KIRREL3: variants seen among roughly 807,000 people sequenced by gnomAD.
The protein encoded by KIRREL3 is kirre like nephrin family adhesion molecule 3, also known as kin of IRRE-like protein 3.
KIRREL3 carries 36 observed loss-of-function variants against 89.7 expected under a neutral mutation model. The observed-to-expected ratio is 0.40, with a 90% CI of 0.31 to 0.53. KIRREL3 has a LOEUF of 0.53. Among genes scored for constraint, KIRREL3 ranks in the 20% least tolerant of loss-of-function variants. The probability of loss-of-function intolerance (pLI) is 0.49; values close to 1 mark genes in which losing one functional copy is unlikely to be tolerated. For missense variants in KIRREL3, 864 were observed against 1,056.6 expected, an observed-to-expected ratio of 0.82 and a Z score of 2.53; for synonymous variants, 445 against 441.4, an observed-to-expected ratio of 1.01 and a Z score of -0.10.
chr11:126,424,360 T>G lies in KIRREL3; in HGVS notation c.*220A>C. 1 of 566,482 alleles carries G rather than the reference T, an allele frequency of 1.8e-6. No individual in the cohort carries two copies. Among genetic ancestry groups the G allele is most frequent in the Non-Finnish European group, 3.2e-6 (1 of 315,848 alleles). The allele number at this position is 566,482 out of a possible 1,614,324, so 35.1% of individuals were successfully genotyped here. On this transcript the variant is annotated 3_prime_UTR_variant, in exon 17 of 17. Coordinates refer to ENST00000525144, the MANE Select transcript of KIRREL3 (RefSeq NM_032531.4). ...AAGCACAGCGCACTCAGCCGCAGCC[T>G]CTGTCTGTCTCCCCACCCGCCCACC...
At chr11:126,949,820 G>A (rs1001581674) in intron 1 of KIRREL3, among the ~76,000 whole-genome samples, 2 of 152,122 alleles carry the variant, frequency 1.3e-5, no homozygotes, top group African/African-American at 2.4e-5. Context: ...AGATGGTCTG[G>A]GTACCAGTTG....
At position 126,697,432 on chromosome 11, in the gene KIRREL3, T is replaced by C. The variant is rs1441885166; in HGVS notation, c.56-134520A>G. 6.6e-6 allele frequency among the ~76,000 whole-genome samples: 1 copy of C among 152,176 alleles called. No homozygotes were observed. On this transcript the variant is annotated intron_variant, in intron 1 of 16. Coordinates refer to ENST00000525144, the MANE Select transcript of KIRREL3 (RefSeq NM_032531.4). This position sits in a 1 kb window ranked among gnomAD's most constrained non-coding sequence, Gnocchi z 4.2. The stretch of plus-strand genomic sequence containing the variant: ...GTAATAGTTCCCAGTTGCCAAAGCT[T>C]TTCCCACAGACCCTGACTCAGAGGA...
At position 126,850,089 on chromosome 11, in the gene KIRREL3, G is replaced by A. The variant is rs547402898; in HGVS notation, c.55+150366C>T. 4.6e-5 allele frequency among the ~76,000 whole-genome samples: 7 copies of A among 152,270 alleles called. No homozygotes were observed. In the South Asian group the frequency reaches 6.2e-4, roughly 14 times the overall value. On this transcript the variant is annotated intron_variant, in intron 1 of 16. Coordinates refer to ENST00000525144, the MANE Select transcript of KIRREL3 (RefSeq NM_032531.4). ...CATCTTTCTTTAGCCACCAAAGCGG[G>A]GGTCCCTGTAATCTGGCACTGCCTG...
chr11:126,801,222 C>T (rs2134393821), intron 1 of KIRREL3, among the ~76,000 whole-genome samples: 1 of 152,304 alleles, frequency 6.6e-6, no homozygotes, highest in African/African-American at 2.4e-5. Flanking sequence ...AATACACTAG[C>T]TCTCTTTTCT....
At chr11:126,971,841 G>A (rs1949432810) in intron 1 of KIRREL3, among the ~76,000 whole-genome samples, 1 of 152,166 alleles carries the variant, frequency 6.6e-6, no homozygotes, top group African/African-American at 2.4e-5. Flanking sequence ...CCTGTTCTGG[G>A]TGACTTGGGC....
intron 13 of KIRREL3, 98 bp downstream of exon 13, chr11:126,435,170 A>T: frequency 7.8e-7 from 1 of 1,280,204 alleles, no homozygotes; most frequent in African/African-American, 1.5e-5. Flanking sequence ...ACTAGCGGCC[A>T]GCACAGGCCT....
At position 126,963,793 on chromosome 11, in the gene KIRREL3, C is replaced by T. The variant is rs1410500923; in HGVS notation, c.55+36662G>A. On this transcript the variant is annotated intron_variant, in intron 1 of 16. Coordinates refer to ENST00000525144, the MANE Select transcript of KIRREL3 (RefSeq NM_032531.4). ...CCTGAGGACTACAAACAATGAGTTACTTCAACATGTCTGGAGATGATTAAC... is the reference window on the plus strand; with the variant it reads ...CCTGAGGACTACAAACAATGAGTTATTTCAACATGTCTGGAGATGATTAAC... Among the ~76,000 whole-genome samples the T allele has an allele frequency of 4.6e-5, 7 of 152,302 alleles. No homozygotes were observed. The East Asian group carries it at 9.6e-4, about 21-fold the overall frequency.
chr11:126,465,794 G>T (rs971085743), intron 5 of KIRREL3, among the ~76,000 whole-genome samples: 2 of 152,198 alleles, frequency 1.3e-5, no homozygotes, highest in Admixed American at 1.3e-4. Flanking sequence ...CAAAGCCCGG[G>T]CAGGGAGGGA....
rs539558269 is a variant in KIRREL3, at chr11:126,742,713, A to T, written c.56-179801T>A. Among the ~76,000 whole-genome samples the T allele has an allele frequency of 4.6e-5, 7 of 152,336 alleles. No homozygotes were observed. The highest frequency in any genetic ancestry group is 1.4e-4 in the African/African-American group (6 of 41,576). Reference sequence around the variant, plus strand: ...AAATATATATCACCTAGCAGCTAAGAAATCAGCAGACAGTGGACTTTAGAA... The same window carrying T: ...AAATATATATCACCTAGCAGCTAAGTAATCAGCAGACAGTGGACTTTAGAA... On this transcript the variant is annotated intron_variant, in intron 1 of 16. Transcript: ENST00000525144. This position sits in a 1 kb window ranked among gnomAD's most constrained non-coding sequence, Gnocchi z 5.3.
rs1464857987 is a variant in KIRREL3 at position 126,443,855 on chromosome 11, G to A, written c.1252+1124C>T. 2.6e-5 allele frequency among the ~76,000 whole-genome samples: 4 copies of A among 152,118 alleles called. No individual in the cohort carries two copies. Among genetic ancestry groups the A allele is most frequent in the Non-Finnish European group, 5.9e-5 (4 of 68,034 alleles). Reference sequence around the variant, plus strand: ...TCCTGCAGGGTCCCAGAGCTTTGGGGTTTTGATCTGAGTCAGGCTATGGTG... The same window carrying A: ...TCCTGCAGGGTCCCAGAGCTTTGGGATTTTGATCTGAGTCAGGCTATGGTG... On this transcript the variant is annotated intron_variant, in intron 10 of 16. Transcript: ENST00000525144. This position sits in a 1 kb window ranked among gnomAD's most constrained non-coding sequence, Gnocchi z 7.3.
intron 1 of KIRREL3, among the ~76,000 whole-genome samples, chr11:126,885,092 C>G (rs1388898695): frequency 6.6e-6 from 1 of 152,158 alleles, no homozygotes; most frequent in East Asian, 1.9e-4. Context: ...AGGGTTATTT[C>G]AAAGACCTTG....
rs11220591 is a variant in KIRREL3, at chr11:126,723,505, A to T, written c.56-160593T>A. On this transcript the variant is annotated intron_variant, in intron 1 of 16. Coordinates refer to ENST00000525144, the MANE Select transcript of KIRREL3 (RefSeq NM_032531.4). The surrounding 1 kb of genome is among the most constrained non-coding windows in gnomAD (Gnocchi z 4.0). ...TGGCATCATTAAGCAGCTGGTGCCA[A>T]CATTTACCTCACACCTCCCTTAGTA... Among the ~76,000 whole-genome samples, 256 of 152,332 alleles carry T rather than the reference A, an allele frequency of 1.7e-3. 7 individuals are homozygous for T. The East Asian group carries it at 0.045, about 27-fold the overall frequency.
intron 4 of KIRREL3, among the ~76,000 whole-genome samples, chr11:126,517,134 GAAA>G (rs1261736544): frequency 8.0e-6 from 1 of 124,252 alleles, no homozygotes; most frequent in Non-Finnish European, 1.6e-5. Context: ...GAGAGAGAGA[GAAA>G]GAGAGAGAGA....
At chr11:126,663,182 CTTTTT>C (rs61217908) in intron 1 of KIRREL3, among the ~76,000 whole-genome samples, 1 of 90,806 alleles carries the variant, frequency 1.1e-5, no homozygotes, top group Non-Finnish European at 2.1e-5. Flanking sequence ...TCATGTCTGG[CTTTTT>C]TTTTTTTTTT....
At chr11:126,919,996 G>C (rs1262536098) in intron 1 of KIRREL3, among the ~76,000 whole-genome samples, 1 of 152,154 alleles carries the variant, frequency 6.6e-6, no homozygotes, top group Non-Finnish European at 1.5e-5. Context: ...TACCTGATAT[G>C]ATGCTAAATG....
rs537665440 is a variant in KIRREL3, at chr11:126,860,854, C to T, written c.55+139601G>A. On this transcript the variant is annotated intron_variant, in intron 1 of 16. Transcript: ENST00000525144. This position sits in a 1 kb window ranked among gnomAD's most constrained non-coding sequence, Gnocchi z 4.6. ...TGGACACATTGAAAGTTTAGTGATC[C>T]TACACTTGATTCTTCTCGCAGTTTC... Among the ~76,000 whole-genome samples, 313 of 152,166 alleles carry T rather than the reference C, an allele frequency of 2.1e-3. 2 individuals carry two copies. The highest frequency in any genetic ancestry group is 3.4e-3 in the Middle Eastern group (1 of 294).
chr11:126,606,945 G>T lies in KIRREL3; in HGVS notation c.56-44033C>A, dbSNP rs770243902. Among the ~76,000 whole-genome samples, 6 of 152,170 alleles carry T rather than the reference G, an allele frequency of 3.9e-5. No individual in the cohort carries two copies. Among genetic ancestry groups the T allele is most frequent in the Non-Finnish European group, 7.4e-5 (5 of 68,024 alleles). Reference sequence around the variant, plus strand: ...GAAGGGGCGGGGGTGGCCAGGCAGTGCTTTCTAGCTGAAGTAAGCAGCTTT... The same window carrying T: ...GAAGGGGCGGGGGTGGCCAGGCAGTTCTTTCTAGCTGAAGTAAGCAGCTTT... On this transcript the variant is annotated intron_variant, in intron 1 of 16. Coordinates refer to ENST00000525144, the MANE Select transcript of KIRREL3 (RefSeq NM_032531.4). This position sits in a 1 kb window ranked among gnomAD's most constrained non-coding sequence, Gnocchi z 4.6.
At chr11:126,671,204 T>A (rs1307650102) in intron 1 of KIRREL3, among the ~76,000 whole-genome samples, 1 of 151,278 alleles carries the variant, frequency 6.6e-6, no homozygotes, top group Non-Finnish European at 1.5e-5. Context: ...GGAGAAAATC[T>A]ATGGCCTTAG....
At chr11:126,509,593 A>G (rs1336443954) in intron 4 of KIRREL3, among the ~76,000 whole-genome samples, 1 of 152,202 alleles carries the variant, frequency 6.6e-6, no homozygotes, top group Admixed American at 6.5e-5. Context: ...AGATTTTGCC[A>G]GCAGTTTGCA....
Sources: gnomAD v4.1 joint callset for allele counts (sites outside exome capture counted in the v4.1 genomes callset) on GRCh38, gnomAD v4.1.1 for gene constraint, Gnocchi (gnomAD v3.1) non-coding constraint, MANE v1.5 for transcripts, NCBI Gene and HGNC (gene_info 2026-07-23, HGNC 2026-07-21) for gene names.